Variants in SETDB1 observed in about 807,000 individuals in gnomAD.
SETDB1 encodes the protein histone-lysine N-methyltransferase SETDB1.
Under a neutral mutation model 137.4 loss-of-function variants are expected in SETDB1, and 31 were observed. The ratio of observed to expected loss-of-function variants is 0.23; its 90% CI spans 0.17 to 0.30. The LOEUF is 0.30. SETDB1 is among the 10% of genes least tolerant of loss of function. The probability of loss-of-function intolerance (pLI) is 1.00; values close to 1 mark genes in which losing one functional copy is unlikely to be tolerated. For missense variants in SETDB1, 1,113 were observed against 1,631.5 expected, an observed-to-expected ratio of 0.68 and a Z score of 5.47; for synonymous variants, 548 against 579.9, an observed-to-expected ratio of 0.95 and a Z score of 0.79.
intron 15 of SETDB1, 24 bp from the exon 16 acceptor site, chr1:150,960,539 G>T: frequency 6.3e-7 from 1 of 1,592,184 alleles, no homozygotes; most frequent in East Asian, 2.2e-5. Context: ...ACCCTAGAAG[G>T]CCTTTAATTC....
intron 3 of SETDB1, among the ~76,000 whole-genome samples, chr1:150,932,352 AGT>A (rs1248022295): frequency 3.9e-5 from 6 of 152,130 alleles, no homozygotes; most frequent in African/African-American, 1.4e-4. Flanking sequence ...CTTGTAAATG[AGT>A]TGAGAAGTGT....
intron 15 of SETDB1, 44 bp downstream of exon 15, chr1:150,959,391 G>T: frequency 6.7e-7 from 1 of 1,495,364 alleles, no homozygotes. Flanking sequence ...ACTGGGACAT[G>T]GTAGGGAATT....
In SETDB1 at chr1:150,930,064, A is replaced by G; in HGVS notation, c.358A>G (p.Thr120Ala). The G allele has an allele frequency of 6.2e-7, 1 of 1,614,074 alleles. No homozygotes were observed. The highest frequency in any genetic ancestry group is 8.5e-7 in the Non-Finnish European group (1 of 1,179,924). Reference sequence around the variant, plus strand: ...CTCTGAGGACGAATCTTCCCGGCCTACAGAAATAATTGAGATTCCTGATGA... The same window carrying G: ...CTCTGAGGACGAATCTTCCCGGCCTGCAGAAATAATTGAGATTCCTGATGA... Reference protein sequence around the residue: ...SSSEDESSRPTEIIEIPDEDD... With the variant: ...SSSEDESSRPAEIIEIPDEDD... The change falls in exon 3 of 22, where the codon ACA (threonine) becomes GCA (alanine). Residue 120 changes from threonine to alanine, a missense_variant. Physicochemically the swap from Thr to Ala is moderately conservative, Grantham distance 58. Transcript: ENST00000692827.
chr1:150,954,672 A>T (rs1390902560), intron 14 of SETDB1, among the ~76,000 whole-genome samples: 1 of 152,248 alleles, frequency 6.6e-6, no homozygotes, highest in East Asian at 1.9e-4. Flanking sequence ...CTTCCCTGAA[A>T]GTAGCACTAG....
chr1:150,958,855 G>T (rs1456677096), intron 14 of SETDB1, among the ~76,000 whole-genome samples: 1 of 152,000 alleles, frequency 6.6e-6, no homozygotes, highest in Non-Finnish European at 1.5e-5. Flanking sequence ...TAATGGCTCT[G>T]TAATCTGTAT....
At chr1:150,943,879 CATA>C in intron 7 of SETDB1, 38 bp from the exon 8 acceptor site, 3 of 1,236,344 alleles carry the variant, frequency 2.4e-6, no homozygotes, top group Non-Finnish European at 3.6e-6. Context: ...TGTTAAATAT[CATA>C]ACCCCCAGAT....
At chr1:150,948,259 A>G (rs1670386445) in intron 10 of SETDB1, among the ~76,000 whole-genome samples, 1 of 148,976 alleles carries the variant, frequency 6.7e-6, no homozygotes, top group South Asian at 2.2e-4. Flanking sequence ...TACTCTGCCG[A>G]CAGAGTAGCA....
chr1:150,932,454 T>G (rs2102647138), intron 3 of SETDB1, among the ~76,000 whole-genome samples: 1 of 152,294 alleles, frequency 6.6e-6, no homozygotes, highest in South Asian at 2.1e-4. Context: ...GACTTTTCTT[T>G]GTGGATTTTT....
chr1:150,951,668 T>A (rs1249066372), intron 14 of SETDB1, among the ~76,000 whole-genome samples, 187 bp downstream of exon 14: 2 of 152,236 alleles, frequency 1.3e-5, no homozygotes, highest in Non-Finnish European at 2.9e-5. Context: ...GGACCTTCCT[T>A]GAAATGAAGA....
intron 4 of SETDB1, 117 bp from the exon 5 acceptor site, chr1:150,941,212 T>G: frequency 1.6e-6 from 1 of 618,250 alleles, no homozygotes; most frequent in Non-Finnish European, 2.9e-6. Context: ...ACCATAAGCT[T>G]CCAAACATAA....
In SETDB1 at chr1:150,951,116, C is replaced by T. The variant is rs199672884; in HGVS notation, c.2216+26C>T. On this transcript the variant is annotated intron_variant, in intron 13 of 21. Coordinates refer to ENST00000692827, the MANE Select transcript of SETDB1 (RefSeq NM_001366418.1). ...GTGAGTTGGTGGGGGGAATTGCTGCCCCTGCTTCCAACTTTGTTATGGTGT... is the reference window on the plus strand; with the variant it reads ...GTGAGTTGGTGGGGGGAATTGCTGCTCCTGCTTCCAACTTTGTTATGGTGT... 5.1e-5 allele frequency: 81 copies of T among 1,587,338 alleles called. 1 individual carries two copies. In the East Asian group the frequency reaches 1.8e-3, roughly 36 times the overall value.
chr1:150,928,910 C>T (rs587686293), intron 2 of SETDB1, among the ~76,000 whole-genome samples: 1 of 152,270 alleles, frequency 6.6e-6, no homozygotes, highest in South Asian at 2.1e-4. Flanking sequence ...CATGTGCCTA[C>T]AAAGGACATG....
At chr1:150,933,779 CTTTTTT>C (rs890205371) in intron 3 of SETDB1, among the ~76,000 whole-genome samples, 3 of 20,114 alleles carry the variant, frequency 1.5e-4, no homozygotes, top group Non-Finnish European at 5.5e-4. Flanking sequence ...TTTTCTTTTT[CTTTTTT>C]TTTTTTTTTT....
intron 3 of SETDB1, among the ~76,000 whole-genome samples, chr1:150,937,681 G>C (rs894060261): frequency 2.6e-5 from 4 of 152,172 alleles, no homozygotes; most frequent in Non-Finnish European, 5.9e-5. Flanking sequence ...AGCCACTTTG[G>C]AAAATAGTCT....
At position 150,961,260 on chromosome 1, in the gene SETDB1, A is replaced by G. The variant is rs897736419; in HGVS notation, c.3132+69A>G. On this transcript the variant is annotated intron_variant, in intron 16 of 21. Transcript: ENST00000692827. ...GGTGCAGTAACAATGCAGTCTCACC[A>G]TGAGTCTTTGCATGTAGATTATTCT... 6.8e-6 allele frequency: 10 copies of G among 1,469,280 alleles called. No individual in the cohort carries two copies. The East Asian group carries it at 1.7e-4, about 25-fold the overall frequency. The allele number at this position is 1,469,280 out of a possible 1,614,324, so 91.0% of individuals were successfully genotyped here.
At position 150,960,804 on chromosome 1, in the gene SETDB1, G is replaced by A; in HGVS notation, c.2745G>A (p.Glu915=). 3 of 1,608,354 alleles carry A rather than the reference G, an allele frequency of 1.9e-6. No individual in the cohort carries two copies. The highest frequency in any genetic ancestry group is 2.5e-6 in the Non-Finnish European group (3 of 1,177,322). The change falls in exon 16 of 22, where the codon GAG becomes GAA. Residue 915 remains glutamate (E), a synonymous_variant. Transcript: ENST00000692827. The stretch of plus-strand genomic sequence containing the variant: ...CAGATGATAACTTCTGTAAGGATGA[G>A]GACTTCAGCACCAGTTCAGTGTGGC... The part of the protein sequence containing the change: ...DSSDDNFCKD[E]DFSTSSVWRS...
intron 7 of SETDB1, among the ~76,000 whole-genome samples, chr1:150,943,436 G>T (rs1442004209): frequency 6.6e-6 from 1 of 152,170 alleles, no homozygotes; most frequent in East Asian, 1.9e-4. Context: ...TAGCACTTTG[G>T]GAGGCCAAGG....
chr1:150,947,304 A>C (rs1430644240), intron 10 of SETDB1, among the ~76,000 whole-genome samples: 2 of 152,100 alleles, frequency 1.3e-5, no homozygotes, highest in African/African-American at 4.8e-5. Flanking sequence ...TTTGTGTGTT[A>C]TCTATGGTTA....
chr1:150,938,176 A>C (rs1342617184), intron 3 of SETDB1, among the ~76,000 whole-genome samples: 1 of 151,078 alleles, frequency 6.6e-6, no homozygotes, highest in African/African-American at 2.4e-5. Flanking sequence ...AGTTGAGATC[A>C]CACTACTGCA....
Sources: allele counts gnomAD v4.1 joint callset (sites outside exome capture counted in the v4.1 genomes callset), GRCh38; gene constraint gnomAD v4.1.1; transcripts MANE v1.5; gene names NCBI Gene and HGNC (gene_info 2026-07-23, HGNC 2026-07-21).